The following CCAR1 variants were observed in gnomAD, a reference collection of about 807,000 sequenced individuals.
The protein encoded by CCAR1 is cell division cycle and apoptosis regulator protein 1.
Under a neutral mutation model 163.8 loss-of-function variants are expected in CCAR1, and 78 were observed. That is an observed-to-expected ratio of 0.48 (90% CI 0.40 to 0.57). The LOEUF (loss-of-function observed/expected upper bound fraction) is 0.57, where lower values mean the gene tolerates loss of function less well. Ranked by LOEUF, CCAR1 falls within the 20% of genes least tolerant of loss-of-function variation. The pLI, the probability that CCAR1 is intolerant of heterozygous loss-of-function variation, is 0.00. For missense variants in CCAR1, 1,019 were observed against 1,365.2 expected (o/e 0.75, Z 4.00); for synonymous variants, 443 against 460.7 (o/e 0.96, Z 0.49).
chr10:68,755,844 CTTCAT>C (rs1355661968), intron 13 of CCAR1, among the ~76,000 whole-genome samples: 3 of 152,024 alleles, frequency 2.0e-5, no homozygotes, highest in African/African-American at 7.2e-5. Context: ...CAAGAGAGAA[CTTCAT>C]TTCATTATAA....
chr10:68,731,425 C>G (rs112057611), intron 2 of CCAR1, among the ~76,000 whole-genome samples: 1 of 152,080 alleles, frequency 6.6e-6, no homozygotes, highest in Non-Finnish European at 1.5e-5. Context: ...TAGAAAAGAA[C>G]TGTTATATAT....
chr10:68,722,211 C>T (rs1203125241), intron 1 of CCAR1, among the ~76,000 whole-genome samples: 1 of 152,128 alleles, frequency 6.6e-6, no homozygotes, highest in Non-Finnish European at 1.5e-5. Flanking sequence ...GAAAGGAGTG[C>T]TTTTTCTGAG....
chr10:68,754,512 AT>A (rs1455237000), intron 11 of CCAR1, among the ~76,000 whole-genome samples: 5 of 152,242 alleles, frequency 3.3e-5, no homozygotes, highest in Non-Finnish European at 7.3e-5. Flanking sequence ...ATTATAAGGT[AT>A]CTAGGCCTGG....
intron 10 of CCAR1, among the ~76,000 whole-genome samples, chr10:68,751,004 A>G (rs2056323191): frequency 6.6e-6 from 1 of 151,832 alleles, no homozygotes; most frequent in Admixed American, 6.6e-5. Flanking sequence ...CTTATGGTCA[A>G]ATCAGCACCT....
chr10:68,727,831 A>C (rs1163686720), intron 2 of CCAR1, among the ~76,000 whole-genome samples: 1 of 152,074 alleles, frequency 6.6e-6, no homozygotes, highest in Non-Finnish European at 1.5e-5. Flanking sequence ...ATTTTTTTGA[A>C]CATGGAGTCT....
chr10:68,748,370 A>G lies in CCAR1; in HGVS notation c.827-766A>G, dbSNP rs146843184. 3.2e-3 allele frequency among the ~76,000 whole-genome samples: 483 copies of G among 152,106 alleles called. 5 individuals are homozygous for G. Among genetic ancestry groups the G allele is most frequent in the African/African-American group, 0.011 (455 of 41,508 alleles). On this transcript the variant is annotated intron_variant, in intron 8 of 24. Transcript: ENST00000265872. Reference sequence around the variant, plus strand: ...AGCCCAGATCACGCCATCGCACTTCAGTCTGGGCGATAAGAGCAAAACTCT... The same window carrying G: ...AGCCCAGATCACGCCATCGCACTTCGGTCTGGGCGATAAGAGCAAAACTCT...
chr10:68,757,264 A>G (rs745663432), intron 14 of CCAR1, 30 bp from the exon 15 acceptor site: 11 of 1,080,490 alleles, frequency 1.0e-5, no homozygotes, highest in South Asian at 2.7e-5. Flanking sequence ...GTTTCATAAT[A>G]GTAATTACAT....
At chr10:68,751,176 C>T (rs561068110) in intron 10 of CCAR1, among the ~76,000 whole-genome samples, 2 of 151,716 alleles carry the variant, frequency 1.3e-5, no homozygotes, top group Non-Finnish European at 2.9e-5. Flanking sequence ...TACAGGAATG[C>T]GCCACCACAC....
chr10:68,751,091 G>T (rs1021663977), intron 10 of CCAR1, among the ~76,000 whole-genome samples: 6 of 151,284 alleles, frequency 4.0e-5, no homozygotes, highest in Admixed American at 6.6e-5. Flanking sequence ...GCAATGGCGC[G>T]ATCTTGGCTC....
At chr10:68,751,344 T>C (rs199498172) in intron 10 of CCAR1, among the ~76,000 whole-genome samples, 3 of 152,004 alleles carry the variant, frequency 2.0e-5, no homozygotes, top group Admixed American at 6.6e-5. Flanking sequence ...TACTCTTAAC[T>C]TTACACTAGT....
chr10:68,747,337 A>C, intron 7 of CCAR1, 37 bp from the exon 8 acceptor site: 1 of 1,599,564 alleles, frequency 6.3e-7, no homozygotes, highest in Non-Finnish European at 8.5e-7. Context: ...TAATTCACAA[A>C]GATTTTTTTT....
At position 68,756,442 on chromosome 10, in the gene CCAR1, G is replaced by A; in HGVS notation, c.1795G>A (p.Glu599Lys). 4 of 1,613,384 alleles carry A rather than the reference G, an allele frequency of 2.5e-6. No individual in the cohort carries two copies. Among genetic ancestry groups the A allele is most frequent in the Non-Finnish European group, 3.4e-6 (4 of 1,179,722 alleles). The change falls in exon 14 of 25, where the codon GAG becomes AAG. Residue 599 changes from glutamate (E) to lysine (K), a missense_variant. Glu to Lys is a moderately conservative substitution (Grantham distance 56). This residue lies in a region of CCAR1 where 644 missense variants were observed against 904.4 expected (regional missense o/e 0.71). Transcript: ENST00000265872. The surrounding 1 kb of genome is among the most constrained non-coding windows in gnomAD (Gnocchi z 5.1). ...CCGAGGATACAAGCAGCAGCTGGTCGAGAAGCTTCAGGGTGAACGCAAGGA... is the reference window on the plus strand; with the variant it reads ...CCGAGGATACAAGCAGCAGCTGGTCAAGAAGCTTCAGGGTGAACGCAAGGA... The part of the protein sequence containing the change: ...LSRGYKQQLV[E>K]KLQGERKEAD...
Position 68,771,182 on chromosome 10 carries a change from G to T in CCAR1, c.2299-24G>T, listed in dbSNP as rs979648850. The T allele has an allele frequency of 1.9e-6, 3 of 1,564,268 alleles. No individual in the cohort carries two copies. In the East Asian group the frequency reaches 6.8e-5, roughly 35 times the overall value. The stretch of plus-strand genomic sequence containing the variant: ...ATTATTTCTGTTGAAATTTGGCTAG[G>T]TTCATGTTGATATCTTTTTATAGGT... On this transcript the variant is annotated intron_variant, in intron 17 of 24. Transcript: ENST00000265872.
At chr10:68,780,036 A>G (rs2056716933) in intron 19 of CCAR1, among the ~76,000 whole-genome samples, 1 of 152,332 alleles carries the variant, frequency 6.6e-6, no homozygotes, top group Non-Finnish European at 1.5e-5. Flanking sequence ...ATGAATAAAT[A>G]CTACTTGAAT....
At chr10:68,750,434 A>G (rs1485008277) in intron 10 of CCAR1, among the ~76,000 whole-genome samples, 1 of 151,990 alleles carries the variant, frequency 6.6e-6, no homozygotes, top group Non-Finnish European at 1.5e-5. Context: ...GTTGTTGGCC[A>G]GGTTTGTTTC....
rs2056376936 is a variant in CCAR1 at position 68,754,646 on chromosome 10, A to G, written c.1345-68A>G. The G allele has an allele frequency of 7.9e-6, 6 of 757,094 alleles. No homozygotes were observed. The South Asian group carries it at 9.7e-5, about 12-fold the overall frequency. 46.9% of individuals were successfully genotyped at this position (757,094 alleles called of 1,614,324 possible). A position where few individuals can be genotyped will look rare whatever the true frequency, so the allele number is the denominator to read the frequency against. On this transcript the variant is annotated intron_variant, in intron 11 of 24. Coordinates refer to ENST00000265872, the MANE Select transcript of CCAR1 (RefSeq NM_018237.4). ...AGACATCTTATATTTAAAGATAATTAGTAGTGCTTCTCATTTTTTCACATT... is the reference window on the plus strand; with the variant it reads ...AGACATCTTATATTTAAAGATAATTGGTAGTGCTTCTCATTTTTTCACATT...
chr10:68,726,230 C>T (rs1255015230), intron 2 of CCAR1, among the ~76,000 whole-genome samples: 1 of 150,330 alleles, frequency 6.7e-6, no homozygotes, highest in Non-Finnish European at 1.5e-5. Context: ...TGGCTCACTG[C>T]AAGCTCCACC....
intron 16 of CCAR1, among the ~76,000 whole-genome samples, chr10:68,765,146 C>T (rs923097162): frequency 5.3e-5 from 8 of 152,186 alleles, no homozygotes; most frequent in Non-Finnish European, 7.3e-5. Context: ...TTTACCTGGG[C>T]GTTCTCCTAT....
chr10:68,731,846 C>T (rs1056415094), intron 2 of CCAR1, among the ~76,000 whole-genome samples: 82 of 152,066 alleles, frequency 5.4e-4, no homozygotes, highest in African/African-American at 1.9e-3. Context: ...CCACCTTGGC[C>T]TCCCAAAGTG....
Sources: allele counts gnomAD v4.1 joint callset (sites outside exome capture counted in the v4.1 genomes callset), GRCh38; gene constraint gnomAD v4.1.1; regional missense constraint gnomAD v4.1.1; non-coding constraint Gnocchi (gnomAD v3.1); transcripts MANE v1.5; gene names NCBI Gene and HGNC (gene_info 2026-07-23, HGNC 2026-07-21).